The following FUT8 variants were observed in gnomAD, a reference collection of about 807,000 sequenced individuals.
FUT8 encodes the protein alpha-(1,6)-fucosyltransferase.
A neutral mutation model predicts 71.3 loss-of-function variants in FUT8; 29 were observed. The ratio of observed to expected loss-of-function variants is 0.41; its 90% CI spans 0.30 to 0.55. The LOEUF is 0.55. FUT8 is among the 20% of genes least tolerant of loss of function. The pLI is 0.34. For synonymous variants in FUT8, 254 were observed against 239.3 expected, an observed-to-expected ratio of 1.06 and a Z score of -0.57; for missense variants, 544 against 702.1, an observed-to-expected ratio of 0.77 and a Z score of 2.55.
intron 9 of FUT8, among the ~76,000 whole-genome samples, chr14:65,727,169 G>A (rs1157208669): frequency 6.6e-6 from 1 of 152,160 alleles, no homozygotes; most frequent in Non-Finnish European, 1.5e-5. Context: ...CAAGCTGTTG[G>A]TGGATGTACC....
chr14:65,579,083 A>G (rs1886942582), intron 3 of FUT8, among the ~76,000 whole-genome samples: 2 of 151,988 alleles, frequency 1.3e-5, no homozygotes, highest in African/African-American at 4.8e-5. Context: ...TCTCAGTTTT[A>G]CTTAATAGCA....
chr14:65,727,641 A>G (rs1895753637), intron 9 of FUT8, among the ~76,000 whole-genome samples: 1 of 152,086 alleles, frequency 6.6e-6, no homozygotes, highest in South Asian at 2.1e-4. Context: ...GCTGCCACAA[A>G]GGTCTCTGAC....
intron 2 of FUT8, among the ~76,000 whole-genome samples, chr14:65,539,008 C>G (rs1189525442): frequency 6.6e-6 from 1 of 152,150 alleles, no homozygotes; most frequent in Non-Finnish European, 1.5e-5. Flanking sequence ...AATTGTTCCC[C>G]TTTAATTTTC....
At chr14:65,708,542 T>C (rs1894666705) in intron 7 of FUT8, among the ~76,000 whole-genome samples, 1 of 152,218 alleles carries the variant, frequency 6.6e-6, no homozygotes, top group African/African-American at 2.4e-5. Context: ...AAGTTTTCAG[T>C]GTATGGATTT....
chr14:65,580,080 A>ATATG (rs150107228), intron 3 of FUT8, among the ~76,000 whole-genome samples: 2 of 148,694 alleles, frequency 1.3e-5, no homozygotes, highest in African/African-American at 2.5e-5. Flanking sequence ...TTATATATAT[A>ATATG]TATATATATA....
At chr14:65,723,132 A>T (rs1244152304) in intron 8 of FUT8, among the ~76,000 whole-genome samples, 2 of 151,036 alleles carry the variant, frequency 1.3e-5, no homozygotes, top group African/African-American at 2.4e-5. Context: ...CATAGGCAAC[A>T]TGGTTGAAAC....
At chr14:65,536,493 A>G (rs954689865) in intron 2 of FUT8, among the ~76,000 whole-genome samples, 1 of 152,024 alleles carries the variant, frequency 6.6e-6, no homozygotes, top group Non-Finnish European at 1.5e-5. Context: ...AAAGGATCTT[A>G]TTTCTCCTTC....
chr14:65,548,793 G>A (rs1205029090), intron 2 of FUT8, among the ~76,000 whole-genome samples: 7 of 151,966 alleles, frequency 4.6e-5, no homozygotes, highest in African/African-American at 1.7e-4. Flanking sequence ...AAAAAGATAA[G>A]CCACAGACTG....
intron 10 of FUT8, among the ~76,000 whole-genome samples, chr14:65,735,120 T>TTA (rs1408811937): frequency 6.6e-6 from 1 of 152,190 alleles, no homozygotes; most frequent in Non-Finnish European, 1.5e-5. Flanking sequence ...GCACTGAGAC[T>TTA]TACAGGGTTG....
chr14:65,535,601 T>C (rs1289416873), intron 2 of FUT8, among the ~76,000 whole-genome samples: 2 of 152,202 alleles, frequency 1.3e-5, no homozygotes, highest in African/African-American at 4.8e-5. Flanking sequence ...TGAGTGATTT[T>C]CTTAGTCCCA....
chr14:65,524,242 A>C (rs1161857031), intron 2 of FUT8, among the ~76,000 whole-genome samples: 1 of 151,968 alleles, frequency 6.6e-6, no homozygotes, highest in African/African-American at 2.4e-5. Flanking sequence ...GTCCTCTTTT[A>C]TTTCATTGAG....
the FUT8 span, among the ~76,000 whole-genome samples, chr14:65,378,869 G>A: frequency 4.3e-5 from 2 of 46,194 alleles, no homozygotes; most frequent in Non-Finnish European, 9.8e-5. Context: ...TTTTTGAGAT[G>A]GAGTTTCACT....
chr14:65,459,526 A>G (rs1311405922), intron 2 of FUT8, among the ~76,000 whole-genome samples: 1 of 152,206 alleles, frequency 6.6e-6, no homozygotes, highest in Non-Finnish European at 1.5e-5. Context: ...GAGTTTTTGT[A>G]AATAATATTA....
the FUT8 span, among the ~76,000 whole-genome samples, chr14:65,379,615 G>A: frequency 1.3e-5 from 2 of 152,172 alleles, no homozygotes; most frequent in African/African-American, 4.8e-5. Context: ...ATGCAAACCA[G>A]GATCCAGTCT....
At chr14:65,581,427 C>T (rs1887082799) in intron 3 of FUT8, among the ~76,000 whole-genome samples, 3 of 152,000 alleles carry the variant, frequency 2.0e-5, no homozygotes, top group South Asian at 2.1e-4. Context: ...ATCTTGTGTC[C>T]TGTTAAGTAT....
At chr14:65,454,813 C>T (rs558145827) in intron 1 of FUT8, among the ~76,000 whole-genome samples, 1 of 152,246 alleles carries the variant, frequency 6.6e-6, no homozygotes, top group East Asian at 1.9e-4. Flanking sequence ...TTTATTAAGG[C>T]CATTTCACTT....
intron 1 of FUT8, among the ~76,000 whole-genome samples, chr14:65,426,621 G>T (rs1252170318): frequency 6.6e-6 from 1 of 152,138 alleles, no homozygotes; most frequent in Admixed American, 6.5e-5. Context: ...TAAAAATGTT[G>T]CTTTCCTTTT....
chr14:65,606,214 A>G (rs1342410420), intron 3 of FUT8, among the ~76,000 whole-genome samples: 1 of 151,060 alleles, frequency 6.6e-6, no homozygotes, highest in Non-Finnish European at 1.5e-5. Flanking sequence ...TTGGGACTAC[A>G]GGCGCCTGCC....
chr14:65,718,450 T>C (rs1895237922), intron 7 of FUT8, among the ~76,000 whole-genome samples: 1 of 152,236 alleles, frequency 6.6e-6, no homozygotes, highest in South Asian at 2.1e-4. Flanking sequence ...GTTGTAGTTA[T>C]TTTTGATCGG....
Sources: allele counts gnomAD v4.1 joint callset (sites outside exome capture counted in the v4.1 genomes callset), GRCh38; gene constraint gnomAD v4.1.1; transcripts MANE v1.5; gene names NCBI Gene and HGNC (gene_info 2026-07-23, HGNC 2026-07-21).